GRIA2: variants seen among roughly 807,000 people sequenced by gnomAD.
GRIA2 encodes glutamate ionotropic receptor AMPA type subunit 2.
Under a neutral mutation model 97.3 loss-of-function variants are expected in GRIA2, and 14 were observed. That is an observed-to-expected ratio of 0.14 (90% CI 0.10 to 0.23). GRIA2 has a LOEUF of 0.23. GRIA2 is among the 10% of genes least tolerant of loss of function. GRIA2 has a pLI of 1.00. For synonymous variants in GRIA2, 412 were observed against 387.8 expected, an observed-to-expected ratio of 1.06 and a Z score of -0.73; for missense variants, 558 against 1,069.8, an observed-to-expected ratio of 0.52 and a Z score of 6.67.
intron 2 of GRIA2, among the ~76,000 whole-genome samples, chr4:157,293,856 C>T (rs1301953710): frequency 6.6e-6 from 1 of 152,072 alleles, no homozygotes; most frequent in Non-Finnish European, 1.5e-5. Context: ...TTTACCAGGA[C>T]TCAATGCATC....
chr4:157,277,789 G>A (rs1314252697), intron 2 of GRIA2, among the ~76,000 whole-genome samples: 2 of 143,564 alleles, frequency 1.4e-5, no homozygotes, highest in Non-Finnish European at 3.0e-5. Context: ...AAATACTAAG[G>A]TATGAATATA....
intron 12 of GRIA2, among the ~76,000 whole-genome samples, chr4:157,349,778 A>G (rs1735926641): frequency 6.6e-6 from 1 of 152,156 alleles, no homozygotes; most frequent in South Asian, 2.1e-4. Context: ...ACACACACAC[A>G]TATACACAAA....
intron 2 of GRIA2, among the ~76,000 whole-genome samples, chr4:157,222,637 C>G (rs1729553891): frequency 6.6e-6 from 1 of 152,164 alleles, no homozygotes; most frequent in Admixed American, 6.5e-5. Context: ...CAGAGGCAGC[C>G]GGGGAAAAGG....
intron 2 of GRIA2, among the ~76,000 whole-genome samples, chr4:157,292,258 G>A (rs1218399035): frequency 6.6e-6 from 1 of 151,934 alleles, no homozygotes; most frequent in Non-Finnish European, 1.5e-5. Flanking sequence ...GGGACATATA[G>A]CAACGTAGCA....
At chr4:157,295,335 C>G (rs953275201) in intron 2 of GRIA2, among the ~76,000 whole-genome samples, 6 of 151,956 alleles carry the variant, frequency 3.9e-5, no homozygotes, top group Non-Finnish European at 8.8e-5. Flanking sequence ...TAGATCAAAA[C>G]GTATGCAAAA....
intron 2 of GRIA2, among the ~76,000 whole-genome samples, chr4:157,282,319 G>A (rs1274836304): frequency 2.6e-5 from 4 of 152,068 alleles, no homozygotes; most frequent in African/African-American, 9.7e-5. Flanking sequence ...GACATGAGTG[G>A]AACAATCTAC....
Position 157,308,086 on chromosome 4 carries a change from C to T in GRIA2, c.469+4295C>T, listed in dbSNP as rs111498169. Reference sequence around the variant, plus strand: ...ATAAAATGTATATTTTGGCAGTAATCATTTTTAATTTAACCCTTTAACGTG... The same window carrying T: ...ATAAAATGTATATTTTGGCAGTAATTATTTTTAATTTAACCCTTTAACGTG... On this transcript the variant is annotated intron_variant, in intron 3 of 15. Coordinates refer to ENST00000264426, the MANE Select transcript of GRIA2 (RefSeq NM_001083619.3). 2.0e-3 allele frequency among the ~76,000 whole-genome samples: 298 copies of T among 152,304 alleles called. 3 individuals carry two copies. The highest frequency in any genetic ancestry group is 7.0e-3 in the African/African-American group (291 of 41,574).
At chr4:157,319,650 T>C (rs1480637718) in intron 5 of GRIA2, among the ~76,000 whole-genome samples, 1 of 152,182 alleles carries the variant, frequency 6.6e-6, no homozygotes, top group Non-Finnish European at 1.5e-5. Flanking sequence ...CCACCCGAAG[T>C]TGAAGGGCTT....
At chr4:157,222,641 G>A (rs1029946416) in intron 2 of GRIA2, among the ~76,000 whole-genome samples, 3 of 152,232 alleles carry the variant, frequency 2.0e-5, no homozygotes, top group Non-Finnish European at 2.9e-5. Context: ...GGCAGCCGGG[G>A]AAAAGGACTG....
At chr4:157,241,832 G>A (rs1056471357) in intron 2 of GRIA2, among the ~76,000 whole-genome samples, 17 of 152,016 alleles carry the variant, frequency 1.1e-4, no homozygotes, top group Admixed American at 7.9e-4. Context: ...AAAGAAACAT[G>A]TTTCTAAGTG....
At chr4:157,320,191 C>T (rs1461642867) in intron 5 of GRIA2, among the ~76,000 whole-genome samples, 1 of 151,864 alleles carries the variant, frequency 6.6e-6, no homozygotes, top group Non-Finnish European at 1.5e-5. Flanking sequence ...AGATCATGTT[C>T]GAGAAAGAAA....
intron 4 of GRIA2, among the ~76,000 whole-genome samples, chr4:157,314,995 A>T (rs1166636520): frequency 2.6e-5 from 4 of 152,232 alleles, no homozygotes; most frequent in Non-Finnish European, 4.4e-5. Context: ...TTAAAATGCA[A>T]TGTAGTCTAG....
chr4:157,254,010 A>G (rs1731130207), intron 2 of GRIA2, among the ~76,000 whole-genome samples: 1 of 151,862 alleles, frequency 6.6e-6, no homozygotes, highest in African/African-American at 2.4e-5. Context: ...GTACACGCAC[A>G]CACACATACT....
At chr4:157,332,067 C>T (rs917679146) in intron 6 of GRIA2, among the ~76,000 whole-genome samples, 2 of 152,018 alleles carry the variant, frequency 1.3e-5, no homozygotes, top group African/African-American at 2.4e-5. Flanking sequence ...ACAGCATCAT[C>T]CATTTGGCAA....
intron 2 of GRIA2, among the ~76,000 whole-genome samples, chr4:157,266,919 G>A (rs1055084284): frequency 1.3e-5 from 2 of 151,922 alleles, no homozygotes; most frequent in Non-Finnish European, 2.9e-5. Flanking sequence ...AATTAGCTGA[G>A]TGTGGTGGTG....
intron 2 of GRIA2, among the ~76,000 whole-genome samples, chr4:157,283,670 T>C (rs1448159824): frequency 1.3e-5 from 2 of 151,942 alleles, no homozygotes; most frequent in Admixed American, 1.3e-4. Context: ...ATTTTAATAT[T>C]TGCAATTCTG....
intron 2 of GRIA2, among the ~76,000 whole-genome samples, chr4:157,289,515 G>A (rs1732998338): frequency 6.6e-6 from 1 of 151,804 alleles, no homozygotes; most frequent in Admixed American, 6.6e-5. Flanking sequence ...AGAAGATAAT[G>A]TACAGGTAAA....
intron 2 of GRIA2, among the ~76,000 whole-genome samples, chr4:157,286,253 A>G (rs1040987663): frequency 6.6e-6 from 1 of 151,442 alleles, no homozygotes; most frequent in Non-Finnish European, 1.5e-5. Flanking sequence ...TTTATTGTAT[A>G]TTTTTATGGT....
rs564938335 is a variant in GRIA2, at chr4:157,257,532, C to T, written c.229+35725C>T. Among the ~76,000 whole-genome samples the T allele has an allele frequency of 6.6e-5, 10 of 152,116 alleles. No homozygotes were observed. The South Asian group carries it at 8.3e-4, about 13-fold the overall frequency. On this transcript the variant is annotated intron_variant, in intron 2 of 15. Coordinates refer to ENST00000264426, the MANE Select transcript of GRIA2 (RefSeq NM_001083619.3). ...TGAAATGCAAGAAATAACAATTTAACGAAAAATTTCTGAAAATCTGCAGGA... is the reference window on the plus strand; with the variant it reads ...TGAAATGCAAGAAATAACAATTTAATGAAAAATTTCTGAAAATCTGCAGGA...
Sources: gnomAD v4.1 joint callset for allele counts (sites outside exome capture counted in the v4.1 genomes callset) on GRCh38, gnomAD v4.1.1 for gene constraint, MANE v1.5 for transcripts, NCBI Gene and HGNC (gene_info 2026-07-23, HGNC 2026-07-21) for gene names.